Variants in LRBA observed in about 807,000 individuals in gnomAD.
The protein encoded by LRBA is lipopolysaccharide-responsive and beige-like anchor protein.
A neutral mutation model predicts 330.0 loss-of-function variants in LRBA; 176 were observed. The ratio of observed to expected loss-of-function variants is 0.53; its 90% CI spans 0.47 to 0.60. LRBA has a LOEUF of 0.60. Among genes scored for constraint, LRBA ranks in the 20% least tolerant of loss-of-function variants. The pLI is 0.00. For missense variants in LRBA, 3,259 were observed against 3,444.8 expected (o/e 0.95, Z 1.35); for synonymous variants, 1,230 against 1,193.0 (o/e 1.03, Z -0.64).
At chr4:150,367,246 G>C (rs1350923617) in intron 47 of LRBA, among the ~76,000 whole-genome samples, 1 of 152,092 alleles carries the variant, frequency 6.6e-6, no homozygotes, top group Admixed American at 6.6e-5. Flanking sequence ...TAGAATGAGG[G>C]AGAAGTAAAA....
At chr4:150,590,648 AG>A in intron 39 of LRBA, 64 bp downstream of exon 39, 1 of 1,466,918 alleles carries the variant, frequency 6.8e-7, no homozygotes, top group Non-Finnish European at 9.4e-7. Flanking sequence ...CAGCTGAAAA[AG>A]TAAGTAATTA....
intron 37 of LRBA, among the ~76,000 whole-genome samples, chr4:150,625,954 A>G (rs995072763): frequency 6.6e-6 from 1 of 151,380 alleles, no homozygotes; most frequent in African/African-American, 2.4e-5. Flanking sequence ...AGCCCCCCAA[A>G]GTGCTGAGAT....
At chr4:150,695,424 G>A (rs77485323) in intron 36 of LRBA, among the ~76,000 whole-genome samples, 3,915 of 152,152 alleles carry the variant, frequency 0.026, 90 homozygotes, top group Non-Finnish European at 0.04. Flanking sequence ...CCAGGTTCAC[G>A]CAACCCTCCC....
intron 22 of LRBA, among the ~76,000 whole-genome samples, chr4:150,862,373 T>G (rs1752062504): frequency 6.6e-6 from 1 of 152,162 alleles, no homozygotes; most frequent in Non-Finnish European, 1.5e-5. Context: ...GTTCATGTCC[T>G]TTGTAGGGAC....
intron 47 of LRBA, among the ~76,000 whole-genome samples, chr4:150,383,630 A>G (rs1489774163): frequency 1.3e-5 from 2 of 152,196 alleles, no homozygotes; most frequent in African/African-American, 4.8e-5. Context: ...GAAGTCTGCC[A>G]CGCAGGTATC....
chr4:150,828,781 G>A (rs927521491), intron 29 of LRBA, among the ~76,000 whole-genome samples, 160 bp from the exon 30 acceptor site: 1 of 152,080 alleles, frequency 6.6e-6, no homozygotes, highest in Admixed American at 6.6e-5. Flanking sequence ...AGAATGTACT[G>A]AGTGGGTGCA....
chr4:150,821,049 T>G (rs1745361820), intron 30 of LRBA, among the ~76,000 whole-genome samples: 1 of 152,134 alleles, frequency 6.6e-6, no homozygotes, highest in African/African-American at 2.4e-5. Context: ...GCTAGGGATA[T>G]TTCTGGCATC....
rs533229482 is a variant in LRBA at position 150,308,945 on chromosome 4, T to G, written c.7849+1284A>C. Among the ~76,000 whole-genome samples the G allele has an allele frequency of 1.2e-4, 19 of 152,246 alleles. 1 individual carries two copies. The East Asian group carries it at 3.5e-3, about 28-fold the overall frequency. ...TTTTAAAAACAAATTTAGTGTAGTC[T>G]AAGTGTACAGAGTTTTATAAAGTCT... On this transcript the variant is annotated intron_variant, in intron 52 of 56. Transcript: ENST00000651943.
intron 37 of LRBA, among the ~76,000 whole-genome samples, chr4:150,682,092 C>A (rs1783102742): frequency 6.6e-6 from 1 of 152,104 alleles, no homozygotes; most frequent in South Asian, 2.1e-4. Flanking sequence ...ACTGCAAAAC[C>A]TTTTGGGTGA....
intron 40 of LRBA, among the ~76,000 whole-genome samples, chr4:150,497,878 G>T (rs1417601713): frequency 6.6e-6 from 1 of 151,998 alleles, no homozygotes; most frequent in Non-Finnish European, 1.5e-5. Flanking sequence ...TTATCTTATC[G>T]CTTTGGGGCT....
intron 43 of LRBA, among the ~76,000 whole-genome samples, chr4:150,470,866 CA>C (rs1175140317): frequency 1.8e-4 from 23 of 127,746 alleles, no homozygotes; most frequent in Admixed American, 4.2e-4. Flanking sequence ...CACACACACA[CA>C]CACACACACC....
At chr4:150,465,531 G>A (rs1755336227) in intron 44 of LRBA, among the ~76,000 whole-genome samples, 1 of 152,056 alleles carries the variant, frequency 6.6e-6, no homozygotes, top group Non-Finnish European at 1.5e-5. Context: ...GATTTTCTGG[G>A]TTTGTTTTCA....
intron 2 of LRBA, among the ~76,000 whole-genome samples, chr4:150,985,931 A>G (rs188495453): frequency 1.1e-4 from 16 of 152,202 alleles, no homozygotes; most frequent in African/African-American, 3.6e-4. Flanking sequence ...TCAACATTAA[A>G]TTTTTCCCAG....
chr4:150,707,766 G>C (rs1428544286), intron 36 of LRBA, among the ~76,000 whole-genome samples: 1 of 151,592 alleles, frequency 6.6e-6, no homozygotes, highest in African/African-American at 2.4e-5. Flanking sequence ...GAGAATTCCA[G>C]CAGCATTTAA....
chr4:150,340,547 C>A (rs1735383693), intron 48 of LRBA, among the ~76,000 whole-genome samples: 1 of 152,146 alleles, frequency 6.6e-6, no homozygotes, highest in Non-Finnish European at 1.5e-5. Context: ...TTTGCCCAGG[C>A]TGGTCTCAAA....
intron 38 of LRBA, among the ~76,000 whole-genome samples, chr4:150,591,731 G>C (rs1772861342): frequency 6.6e-6 from 1 of 152,126 alleles, no homozygotes; most frequent in Non-Finnish European, 1.5e-5. Context: ...TGACAAGGCA[G>C]CAACTGCAGG....
At chr4:150,533,023 T>C (rs1665015435) in intron 40 of LRBA, among the ~76,000 whole-genome samples, 1 of 152,178 alleles carries the variant, frequency 6.6e-6, no homozygotes, top group Admixed American at 6.5e-5. Context: ...ACAGCAAATG[T>C]TGAAAAACTT....
intron 47 of LRBA, among the ~76,000 whole-genome samples, chr4:150,356,860 A>G (rs1420724031): frequency 1.3e-5 from 2 of 151,976 alleles, no homozygotes; most frequent in Non-Finnish European, 2.9e-5. Context: ...ATAATGTGAA[A>G]CAAGCTTTAT....
chr4:150,466,841 C>T (rs1755511025), intron 44 of LRBA, among the ~76,000 whole-genome samples: 1 of 151,968 alleles, frequency 6.6e-6, no homozygotes, highest in Non-Finnish European at 1.5e-5. Flanking sequence ...GTATTTCATC[C>T]TAATTTTTTT....
Sources: gnomAD v4.1 joint callset for allele counts (sites outside exome capture counted in the v4.1 genomes callset) on GRCh38, gnomAD v4.1.1 for gene constraint, MANE v1.5 for transcripts, NCBI Gene and HGNC (gene_info 2026-07-23, HGNC 2026-07-21) for gene names.